The following ATP2B1 variants were observed in gnomAD, a reference collection of about 807,000 sequenced individuals.
The protein encoded by ATP2B1 is plasma membrane calcium-transporting ATPase 1.
In ATP2B1, 14 loss-of-function variants were observed where a neutral mutation model predicts 124.2. That is an observed-to-expected ratio of 0.11 (90% CI 0.07 to 0.18). The LOEUF is 0.18. Ranked by LOEUF, ATP2B1 falls within the 10% of genes least tolerant of loss-of-function variation. The pLI, the probability that ATP2B1 is intolerant of heterozygous loss-of-function variation, is 1.00. For missense variants in ATP2B1, 763 were observed against 1,466.1 expected (o/e 0.52, Z 7.83); for synonymous variants, 449 against 492.4 (o/e 0.91, Z 1.17).
At chr12:89,685,080 G>A (rs774253498) in intron 1 of ATP2B1, among the ~76,000 whole-genome samples, 10 of 152,080 alleles carry the variant, frequency 6.6e-5, no homozygotes, top group South Asian at 2.1e-4. Flanking sequence ...CGCCATTGCC[G>A]TATTTTATTG....
At chr12:89,626,678 T>TA in intron 7 of ATP2B1, 63 bp from the exon 8 acceptor site, 1 of 1,488,914 alleles carries the variant, frequency 6.7e-7, no homozygotes, top group African/African-American at 1.4e-5. Flanking sequence ...ATTAACATTT[T>TA]AAAGAAATTT....
rs191870945 is a variant in ATP2B1 at position 89,610,120 on chromosome 12, G to A, written c.2336-77C>T. The A allele has an allele frequency of 2.7e-5, 35 of 1,299,622 alleles. No individual in the cohort carries two copies. The East Asian group carries it at 5.9e-4, about 22-fold the overall frequency. 80.5% of individuals were successfully genotyped at this position (1,299,622 alleles called of 1,614,324 possible). A position where few individuals can be genotyped will look rare whatever the true frequency, so the allele number is the denominator to read the frequency against. On this transcript the variant is annotated intron_variant, in intron 14 of 20. Transcript: ENST00000428670. ...TGATTCTGAAGAATATCCTGACGTCGGTTTTATAGACTCAAGGTTAAAAAT... is the reference window on the plus strand; with the variant it reads ...TGATTCTGAAGAATATCCTGACGTCAGTTTTATAGACTCAAGGTTAAAAAT...
chr12:89,611,500 ATGAT>A, intron 12 of ATP2B1, 128 bp from the exon 13 acceptor site: 1 of 704,296 alleles, frequency 1.4e-6, no homozygotes, highest in Non-Finnish European at 2.1e-6. Context: ...TGACTTAATA[ATGAT>A]TGATTTCATT....
intron 1 of ATP2B1, among the ~76,000 whole-genome samples, chr12:89,706,428 T>G (rs1359649592): frequency 1.3e-5 from 2 of 152,106 alleles, no homozygotes; most frequent in African/African-American, 4.8e-5. Context: ...TAGGTACCTT[T>G]ATTTGGTGGC....
intron 19 of ATP2B1, among the ~76,000 whole-genome samples, chr12:89,600,418 A>G (rs1875558670): frequency 6.6e-6 from 1 of 152,212 alleles, no homozygotes; most frequent in Non-Finnish European, 1.5e-5. Context: ...TCACATTTAA[A>G]AAATAATGAC....
At chr12:89,595,236 T>C (rs1438275470) in intron 20 of ATP2B1, among the ~76,000 whole-genome samples, 1 of 152,018 alleles carries the variant, frequency 6.6e-6, no homozygotes, top group Non-Finnish European at 1.5e-5. Flanking sequence ...TAACAACTTA[T>C]TTCCAAAAAT....
chr12:89,642,122 G>T (rs779506115), intron 3 of ATP2B1, 36 bp downstream of exon 3: 1 of 1,553,900 alleles, frequency 6.4e-7, no homozygotes, highest in Non-Finnish European at 8.8e-7. Context: ...AGCTGAACTA[G>T]CATCAGACAT....
chr12:89,685,485 G>A (rs1223600633), intron 1 of ATP2B1, among the ~76,000 whole-genome samples: 1 of 151,994 alleles, frequency 6.6e-6, no homozygotes, highest in Non-Finnish European at 1.5e-5. Context: ...TGAAATCAGT[G>A]ACTCTCAAAG....
intron 1 of ATP2B1, among the ~76,000 whole-genome samples, chr12:89,690,226 TA>T (rs1890402378): frequency 6.6e-6 from 1 of 152,120 alleles, no homozygotes; most frequent in South Asian, 2.1e-4. Context: ...TAAATCATTC[TA>T]ATAATGCTGC....
chr12:89,594,139 C>T (rs923767247), intron 20 of ATP2B1: 1 of 151,936 alleles, frequency 6.6e-6, no homozygotes, highest in Non-Finnish European at 1.5e-5. Context: ...GAACAGTTCT[C>T]GAGATACATA....
intron 20 of ATP2B1, chr12:89,594,527 C>T (rs551007563): frequency 6.7e-6 from 1 of 148,912 alleles, no homozygotes; most frequent in Non-Finnish European, 1.5e-5. Flanking sequence ...TCGAAATTAT[C>T]AGAATTAAGA....
At chr12:89,606,203 G>C (rs1876832830) in intron 15 of ATP2B1, among the ~76,000 whole-genome samples, 1 of 152,188 alleles carries the variant, frequency 6.6e-6, no homozygotes, top group Non-Finnish European at 1.5e-5. Context: ...TATATGCGGT[G>C]AATGTGGTCT....
intron 1 of ATP2B1, among the ~76,000 whole-genome samples, chr12:89,669,648 G>T (rs1235482136): frequency 6.6e-6 from 1 of 152,058 alleles, no homozygotes; most frequent in Admixed American, 6.6e-5. Context: ...TAGAGCTAGG[G>T]CCTGGCACTT....
Position 89,588,099 on chromosome 12 carries a change from C to T in ATP2B1, c.*2885G>A, listed in dbSNP as rs996643768. On this transcript the variant is annotated 3_prime_UTR_variant, in exon 21 of 21. Transcript: ENST00000428670. ...TATTAAATGAGTTAAGACAAATAAA[C>T]TTTACAAATAGACAAATAATAAAAG... The T allele has an allele frequency of 6.6e-6, 1 of 152,562 alleles. No individual in the cohort carries two copies. The highest frequency in any genetic ancestry group is 1.5e-5 in the Non-Finnish European group (1 of 68,004). 9.5% of individuals were successfully genotyped at this position (152,562 alleles called of 1,614,324 possible).
intron 8 of ATP2B1, among the ~76,000 whole-genome samples, chr12:89,626,131 A>T (rs1055965350): frequency 6.6e-5 from 10 of 152,228 alleles, no homozygotes; most frequent in Non-Finnish European, 2.9e-5. Flanking sequence ...ATGAAATTTT[A>T]TTAAAATATA....
intron 1 of ATP2B1, 45 bp from the exon 2 acceptor site, chr12:89,656,152 A>C: frequency 2.4e-6 from 1 of 414,938 alleles, no homozygotes; most frequent in Non-Finnish European, 4.3e-6. Flanking sequence ...CTATCTTAAG[A>C]GTATTATGCA....
intron 20 of ATP2B1, chr12:89,593,582 A>G (rs1874003127): frequency 6.6e-6 from 1 of 152,096 alleles, no homozygotes; most frequent in Non-Finnish European, 1.5e-5. Flanking sequence ...AATTTGGAAA[A>G]TATCTAGAGC....
At chr12:89,642,002 G>C (rs1883601092) in intron 3 of ATP2B1, 156 bp downstream of exon 3, 1 of 735,962 alleles carries the variant, frequency 1.4e-6, no homozygotes, top group South Asian at 1.9e-5. Flanking sequence ...GGGTTACTGT[G>C]AAAGTTATCT....
At chr12:89,611,487 C>T (rs1426956191) in intron 12 of ATP2B1, 115 bp from the exon 13 acceptor site, 9 of 798,694 alleles carry the variant, frequency 1.1e-5, no homozygotes, top group Non-Finnish European at 1.6e-5. Flanking sequence ...GACAATGATA[C>T]AATGACTTAA....
Sources: allele counts gnomAD v4.1 joint callset (sites outside exome capture counted in the v4.1 genomes callset), GRCh38; gene constraint gnomAD v4.1.1; transcripts MANE v1.5; gene names NCBI Gene and HGNC (gene_info 2026-07-23, HGNC 2026-07-21).